Variants in SNTG1 observed in about 807,000 individuals in gnomAD.
SNTG1 encodes the protein gamma-1-syntrophin.
SNTG1 carries 39 observed loss-of-function variants against 74.7 expected under a neutral mutation model. That is an observed-to-expected ratio of 0.52 (90% CI 0.40 to 0.68). The LOEUF (loss-of-function observed/expected upper bound fraction) is 0.68, where lower values mean the gene tolerates loss of function less well. Among genes scored for constraint, SNTG1 ranks in the 30% least tolerant of loss-of-function variants. The probability of loss-of-function intolerance (pLI) is 0.00; values close to 1 mark genes in which losing one functional copy is unlikely to be tolerated. For missense variants in SNTG1, 685 were observed against 609.5 expected (o/e 1.12, Z -1.30); for synonymous variants, 254 against 217.1 (o/e 1.17, Z -1.49).
chr8:50,570,240 T>C (rs915750788), intron 12 of SNTG1, among the ~76,000 whole-genome samples: 1 of 63,044 alleles, frequency 1.6e-5, no homozygotes, highest in African/African-American at 3.8e-5. Flanking sequence ...TATTTTATTT[T>C]ATTTTATTTT....
At chr8:50,133,442 A>G (rs1482865742) in intron 1 of SNTG1, among the ~76,000 whole-genome samples, 1 of 152,150 alleles carries the variant, frequency 6.6e-6, no homozygotes, top group Non-Finnish European at 1.5e-5. Flanking sequence ...AGCTATCTGT[A>G]TGTCAGCTCC....
At chr8:50,762,586 A>C in intron 18 of SNTG1, 1 of 376,360 alleles carries the variant, frequency 2.7e-6, no homozygotes, top group South Asian at 2.3e-5. Flanking sequence ...GCTTCTTGGG[A>C]GTCTCCAAAT....
At position 50,396,092 on chromosome 8, in the gene SNTG1, C is replaced by T. The variant is rs368936386; in HGVS notation, c.27+1827C>T. ...TGATGTACTAATTTGGGATATTTCT[C>T]AAATTCTATTAAGATACAGAAGATT... On this transcript the variant is annotated intron_variant, in intron 3 of 18. Coordinates refer to ENST00000642720, the MANE Select transcript of SNTG1 (RefSeq NM_018967.5). 1.2e-4 allele frequency among the ~76,000 whole-genome samples: 19 copies of T among 152,272 alleles called. No individual in the cohort carries two copies. The East Asian group carries it at 1.4e-3, about 11-fold the overall frequency.
rs1340159240 is a variant in SNTG1, at chr8:50,037,663, C to G, written c.-103+125432C>G. ...AGCCAGATTTGACTTCTGGATTGTC[C>G]CTTTAGTAGCCAGTTGTCCTTGGAC... On this transcript the variant is annotated intron_variant, in intron 1 of 18. Transcript: ENST00000642720. Among the ~76,000 whole-genome samples the G allele has an allele frequency of 2.6e-5, 4 of 152,070 alleles. No homozygotes were observed. The East Asian group carries it at 7.7e-4, about 29-fold the overall frequency.
rs200174951 is a variant in SNTG1, at chr8:50,581,113, C to CA, written c.811-9763dup. 8.0e-3 allele frequency among the ~76,000 whole-genome samples: 1,211 copies of CA among 152,252 alleles called. 14 individuals are homozygous for CA. The highest frequency in any genetic ancestry group is 0.027 in the African/African-American group (1,105 of 41,544). On this transcript the variant is annotated intron_variant, in intron 12 of 18. Coordinates refer to ENST00000642720, the MANE Select transcript of SNTG1 (RefSeq NM_018967.5). The stretch of plus-strand genomic sequence containing the variant: ...AATAGGTGCATATATAATAGAAGGT[C>CA]AAACCTAAAATATTATTCTTAATCA...
At chr8:50,245,143 G>T (rs2086338531) in intron 2 of SNTG1, among the ~76,000 whole-genome samples, 1 of 152,252 alleles carries the variant, frequency 6.6e-6, no homozygotes, top group East Asian at 1.9e-4. Flanking sequence ...GGGTCAGTCA[G>T]ATTGTTCTCT....
chr8:50,289,324 A>C (rs2088960069), intron 2 of SNTG1, among the ~76,000 whole-genome samples: 1 of 152,190 alleles, frequency 6.6e-6, no homozygotes, highest in Non-Finnish European at 1.5e-5. Flanking sequence ...TTATCACCGA[A>C]TAGAATGCAC....
chr8:50,742,143 A>G (rs910776558), intron 17 of SNTG1, among the ~76,000 whole-genome samples: 1 of 151,980 alleles, frequency 6.6e-6, no homozygotes, highest in Admixed American at 6.6e-5. Flanking sequence ...AATTTTAAAA[A>G]AATCATACAC....
intron 2 of SNTG1, among the ~76,000 whole-genome samples, chr8:50,321,163 T>C (rs1231820701): frequency 6.6e-6 from 1 of 152,082 alleles, no homozygotes; most frequent in Non-Finnish European, 1.5e-5. Context: ...TGTGTCCAGG[T>C]CTATCTCTCT....
intron 2 of SNTG1, among the ~76,000 whole-genome samples, chr8:50,262,345 A>T (rs1408975228): frequency 6.6e-6 from 1 of 152,224 alleles, no homozygotes; most frequent in East Asian, 1.9e-4. Context: ...TTAAAATTAG[A>T]ACAAAAATCA....
intron 1 of SNTG1, among the ~76,000 whole-genome samples, chr8:50,049,495 G>A (rs920754539): frequency 2.0e-5 from 3 of 152,064 alleles, no homozygotes; most frequent in Non-Finnish European, 4.4e-5. Flanking sequence ...TTATTTGTGA[G>A]AGGAAAAGCT....
chr8:50,423,842 G>C (rs2093128269), intron 4 of SNTG1, among the ~76,000 whole-genome samples: 2 of 152,170 alleles, frequency 1.3e-5, no homozygotes, highest in African/African-American at 4.8e-5. Flanking sequence ...AGTAGTTAGA[G>C]AAAGGTAAAG....
chr8:50,442,201 C>G (rs1298879198), intron 5 of SNTG1, among the ~76,000 whole-genome samples: 1 of 152,156 alleles, frequency 6.6e-6, no homozygotes, highest in African/African-American at 2.4e-5. Flanking sequence ...ATGTCCCTTC[C>G]TGGTTGTGCT....
intron 1 of SNTG1, among the ~76,000 whole-genome samples, chr8:50,110,997 A>G (rs1281590681): frequency 1.3e-5 from 2 of 152,170 alleles, no homozygotes; most frequent in African/African-American, 4.8e-5. Context: ...GGTATCATTT[A>G]TTTAACTTTC....
intron 10 of SNTG1, among the ~76,000 whole-genome samples, chr8:50,534,884 G>A (rs1279512891): frequency 6.6e-6 from 1 of 152,178 alleles, no homozygotes; most frequent in Non-Finnish European, 1.5e-5. Flanking sequence ...CTTAGTACAA[G>A]TAGGTATTAT....
intron 4 of SNTG1, among the ~76,000 whole-genome samples, chr8:50,420,415 T>C (rs1340224247): frequency 1.3e-5 from 2 of 152,234 alleles, no homozygotes; most frequent in East Asian, 3.9e-4. Context: ...TCCAAAATTC[T>C]ATATCTGTGA....
At chr8:50,298,588 T>C (rs1451573445) in intron 2 of SNTG1, among the ~76,000 whole-genome samples, 1 of 152,184 alleles carries the variant, frequency 6.6e-6, no homozygotes, top group East Asian at 1.9e-4. Context: ...AAGTGGTCTG[T>C]CTCTGATCCA....
intron 9 of SNTG1, 78 bp from the exon 10 acceptor site, chr8:50,530,099 G>C (rs1379612184): frequency 3.5e-6 from 4 of 1,142,674 alleles, no homozygotes; most frequent in Non-Finnish European, 5.3e-6. Flanking sequence ...GAGTATCCTT[G>C]AAAGTGTAAT....
intron 2 of SNTG1, among the ~76,000 whole-genome samples, chr8:50,302,612 G>T (rs2089701135): frequency 6.6e-6 from 1 of 152,126 alleles, no homozygotes; most frequent in Non-Finnish European, 1.5e-5. Flanking sequence ...AAAAAGGAAT[G>T]AATTACTGTC....
Sources: allele counts gnomAD v4.1 joint callset (sites outside exome capture counted in the v4.1 genomes callset), GRCh38; gene constraint gnomAD v4.1.1; transcripts MANE v1.5; gene names NCBI Gene and HGNC (gene_info 2026-07-23, HGNC 2026-07-21).